Variants in CDK8 observed in about 807,000 individuals in gnomAD.
CDK8 encodes cyclin-dependent kinase 8.
In CDK8, 29 loss-of-function variants were observed where a neutral mutation model predicts 71.5. The ratio of observed to expected loss-of-function variants is 0.41; its 90% CI spans 0.30 to 0.55. The LOEUF (loss-of-function observed/expected upper bound fraction) is 0.55. Ranked by LOEUF, CDK8 falls within the 20% of genes least tolerant of loss-of-function variation. CDK8 has a pLI of 0.37. For synonymous variants in CDK8, 161 were observed against 192.1 expected, an observed-to-expected ratio of 0.84 and a Z score of 1.34; for missense variants, 288 against 572.6, an observed-to-expected ratio of 0.50 and a Z score of 5.07.
intron 1 of CDK8, among the ~76,000 whole-genome samples, chr13:26,301,413 A>G (rs1873819360): frequency 6.6e-6 from 1 of 152,118 alleles, no homozygotes; most frequent in African/African-American, 2.4e-5. Flanking sequence ...TCTTTTGTAC[A>G]ATAATTAATT....
At chr13:26,342,896 G>A (rs959490335) in intron 2 of CDK8, among the ~76,000 whole-genome samples, 2 of 152,162 alleles carry the variant, frequency 1.3e-5, no homozygotes, top group African/African-American at 4.8e-5. Context: ...CTTATAGCAA[G>A]ATGTTGTCAG....
chr13:26,398,386 CATT>C (rs1876092632), intron 9 of CDK8, among the ~76,000 whole-genome samples: 1 of 152,120 alleles, frequency 6.6e-6, no homozygotes, highest in Non-Finnish European at 1.5e-5. Flanking sequence ...CCCTGCTACT[CATT>C]ATAGTCTAGG....
intron 1 of CDK8, among the ~76,000 whole-genome samples, chr13:26,336,130 C>CAT (rs1872970424): frequency 6.6e-6 from 1 of 151,272 alleles, no homozygotes; most frequent in Non-Finnish European, 1.5e-5. Context: ...CATACACACA[C>CAT]ACACACACAC....
chr13:26,281,126 C>T (rs1020341516), intron 1 of CDK8, among the ~76,000 whole-genome samples: 3 of 152,230 alleles, frequency 2.0e-5, no homozygotes, highest in African/African-American at 7.2e-5. Context: ...TCCTGGGCAA[C>T]CAGTGGTCCT....
intron 2 of CDK8, among the ~76,000 whole-genome samples, chr13:26,345,452 G>C (rs920499662): frequency 6.6e-6 from 1 of 152,100 alleles, no homozygotes; most frequent in Non-Finnish European, 1.5e-5. Context: ...TGTGATCTCA[G>C]CTCACTGCAA....
chr13:26,277,713 AGT>A (rs1438045005), intron 1 of CDK8, among the ~76,000 whole-genome samples: 1 of 152,198 alleles, frequency 6.6e-6, no homozygotes, highest in Non-Finnish European at 1.5e-5. Context: ...TTTTACCCCC[AGT>A]GTTGAAATAA....
Position 26,296,954 on chromosome 13 carries a change from G to A in CDK8, c.129-40613G>A, listed in dbSNP as rs114265228. 8.8e-3 allele frequency among the ~76,000 whole-genome samples: 1,339 copies of A among 152,128 alleles called. 21 individuals are homozygous for A. Among genetic ancestry groups the A allele is most frequent in the African/African-American group, 0.031 (1,283 of 41,520 alleles). On this transcript the variant is annotated intron_variant, in intron 1 of 12. Coordinates refer to ENST00000381527, the MANE Select transcript of CDK8 (RefSeq NM_001260.3). ...CCTTGTAGTAATAAAGGACTAACCT[G>A]TAGTATTAAAGGACTAACCAAGGAC...
chr13:26,357,166 T>G (rs891068781), intron 4 of CDK8, among the ~76,000 whole-genome samples: 25 of 152,220 alleles, frequency 1.6e-4, no homozygotes, highest in African/African-American at 5.3e-4. Context: ...AAATAATGAT[T>G]TATTTGGTTG....
intron 1 of CDK8, among the ~76,000 whole-genome samples, chr13:26,284,650 C>T (rs1057062945): frequency 3.9e-5 from 6 of 151,914 alleles, no homozygotes; most frequent in African/African-American, 1.5e-4. Flanking sequence ...AAAAAAAATT[C>T]CAGGACTGGA....
chr13:26,343,659 G>A (rs1873339708), intron 2 of CDK8, among the ~76,000 whole-genome samples: 1 of 152,116 alleles, frequency 6.6e-6, no homozygotes, highest in African/African-American at 2.4e-5. Flanking sequence ...TGAAGGCCTA[G>A]GACATTAATG....
intron 1 of CDK8, among the ~76,000 whole-genome samples, chr13:26,281,475 CTG>C (rs1472862857): frequency 7.8e-6 from 1 of 127,622 alleles, no homozygotes; most frequent in African/African-American, 3.9e-5. Flanking sequence ...ACAAAAGAAT[CTG>C]AACAACAGCC....
intron 1 of CDK8, among the ~76,000 whole-genome samples, chr13:26,333,801 C>T (rs1872861068): frequency 6.6e-6 from 1 of 152,126 alleles, no homozygotes; most frequent in South Asian, 2.1e-4. Flanking sequence ...CCTCTCATCC[C>T]ATGCATTTCA....
intron 1 of CDK8, among the ~76,000 whole-genome samples, chr13:26,263,856 C>T (rs1431018907): frequency 6.6e-6 from 1 of 151,946 alleles, no homozygotes; most frequent in Non-Finnish European, 1.5e-5. Flanking sequence ...ACGCCATTCT[C>T]CTGCCTCAGC....
intron 7 of CDK8, among the ~76,000 whole-genome samples, chr13:26,396,036 A>G (rs1472710612): frequency 1.3e-5 from 2 of 152,200 alleles, no homozygotes; most frequent in African/African-American, 4.8e-5. Flanking sequence ...GAGGCAGCTT[A>G]TAGTAAAACA....
At chr13:26,277,860 T>C (rs1872611948) in intron 1 of CDK8, among the ~76,000 whole-genome samples, 1 of 152,220 alleles carries the variant, frequency 6.6e-6, no homozygotes, top group Non-Finnish European at 1.5e-5. Context: ...TTCTGAGGTA[T>C]AAATCAAGGG....
At chr13:26,303,651 A>G (rs979322673) in intron 1 of CDK8, among the ~76,000 whole-genome samples, 1 of 152,216 alleles carries the variant, frequency 6.6e-6, no homozygotes, top group Non-Finnish European at 1.5e-5. Context: ...ATGAACATTT[A>G]TGATCTTACA....
At chr13:26,315,121 T>C (rs1213603400) in intron 1 of CDK8, among the ~76,000 whole-genome samples, 1 of 152,236 alleles carries the variant, frequency 6.6e-6, no homozygotes, top group Non-Finnish European at 1.5e-5. Context: ...TTCTATAGTC[T>C]GTTGTGCTTT....
At chr13:26,323,318 AGAGAGAGAGG>A (rs1194508529) in intron 1 of CDK8, among the ~76,000 whole-genome samples, 45 of 131,874 alleles carry the variant, frequency 3.4e-4, no homozygotes, top group African/African-American at 8.9e-4. Flanking sequence ...AGAGAGAGAG[AGAGAGAGAGG>A]GAGAGAGAGA....
intron 1 of CDK8, among the ~76,000 whole-genome samples, chr13:26,291,685 T>C (rs1392072651): frequency 6.6e-6 from 1 of 152,206 alleles, no homozygotes; most frequent in Non-Finnish European, 1.5e-5. Flanking sequence ...TATTTTTAAA[T>C]TTAGAGTAAT....
Sources: allele counts gnomAD v4.1 joint callset (sites outside exome capture counted in the v4.1 genomes callset), GRCh38; gene constraint gnomAD v4.1.1; transcripts MANE v1.5; gene names NCBI Gene and HGNC (gene_info 2026-07-23, HGNC 2026-07-21).